The following FRMD6 variants were observed in gnomAD, a reference collection of about 807,000 sequenced individuals.
FRMD6 encodes the protein FERM domain-containing protein 6.
A neutral mutation model predicts 73.2 loss-of-function variants in FRMD6; 37 were observed. That is an observed-to-expected ratio of 0.51 (90% confidence interval 0.39 to 0.66). FRMD6 has a LOEUF of 0.66. FRMD6 is among the 30% of genes least tolerant of loss of function. The pLI is 0.00. For synonymous variants in FRMD6, 273 were observed against 282.2 expected (o/e 0.97, Z 0.33); for missense variants, 714 against 780.5 (o/e 0.91, Z 1.02).
At chr14:51,468,844 C>T in the FRMD6 span, among the ~76,000 whole-genome samples, 18 of 152,170 alleles carry the variant, frequency 1.2e-4, no homozygotes, top group African/African-American at 3.9e-4. Context: ...ATAAATTTTG[C>T]GAATGCTTTT....
chr14:51,452,170 G>C, the FRMD6 span, among the ~76,000 whole-genome samples: 2 of 152,110 alleles, frequency 1.3e-5, no homozygotes, highest in Non-Finnish European at 2.9e-5. Flanking sequence ...CATGAGCGAG[G>C]GTTGGAAAGA....
intron 2 of FRMD6, among the ~76,000 whole-genome samples, chr14:51,625,261 A>G (rs1414074414): frequency 6.6e-6 from 1 of 152,102 alleles, no homozygotes; most frequent in Non-Finnish European, 1.5e-5. Flanking sequence ...TGTGTGTTGG[A>G]GGTGGTAGTG....
At chr14:51,681,431 C>T (rs183697442) in intron 1 of FRMD6, among the ~76,000 whole-genome samples, 1 of 152,254 alleles carries the variant, frequency 6.6e-6, no homozygotes, top group Admixed American at 6.5e-5. Context: ...GTTCAAAGTG[C>T]TTCACATATG....
rs781001684 is a variant in FRMD6, at chr14:51,720,188, C to T, written c.1158C>T (p.Thr386=). 23 of 1,613,958 alleles carry T rather than the reference C, an allele frequency of 1.4e-5. No homozygotes were observed. Among genetic ancestry groups the T allele is most frequent in the Admixed American group, 1.2e-4 (7 of 60,008 alleles). The change falls in exon 11 of 14, where the codon ACC becomes ACT. Residue 386 remains threonine (T), a synonymous_variant. Coordinates refer to ENST00000344768, the MANE Select transcript of FRMD6 (RefSeq NM_001267046.2). ...ACAAGCGCCTGTCCCGTCATTCCAC[C>T]GCCAGCCACAGCAGTTCCCACACCT... The part of the protein sequence containing the change: ...MKHKRLSRHS[T]ASHSSSHTSG...
chr14:51,481,227 A>G, the FRMD6 span, among the ~76,000 whole-genome samples: 1 of 152,348 alleles, frequency 6.6e-6, no homozygotes, highest in South Asian at 2.1e-4. Flanking sequence ...TGATAAAGAT[A>G]TACCCGAGAC....
At chr14:51,697,013 A>G (rs187478529) in intron 2 of FRMD6, among the ~76,000 whole-genome samples, 2 of 152,284 alleles carry the variant, frequency 1.3e-5, no homozygotes, top group South Asian at 2.1e-4. Context: ...ACAAAAGATA[A>G]CAAGTGTTGA....
At position 51,592,572 on chromosome 14, in the gene FRMD6, T is replaced by C. The variant is rs1416555205; in HGVS notation, c.-147+22162T>C. 3.9e-5 allele frequency among the ~76,000 whole-genome samples: 6 copies of C among 152,352 alleles called. No individual in the cohort carries two copies. The East Asian group carries it at 9.6e-4, about 24-fold the overall frequency. On this transcript the variant is annotated intron_variant, in intron 2 of 14. Transcript: ENST00000356218. ...TAGATGACATTTGAACACGATGTAA[T>C]AAATTTCCTGTAAAATTACTTGTGT...
At chr14:51,409,186 T>A in the FRMD6 span, among the ~76,000 whole-genome samples, 1 of 152,124 alleles carries the variant, frequency 6.6e-6, no homozygotes, top group Non-Finnish European at 1.5e-5. Flanking sequence ...CTTCTGACCC[T>A]CTGTGTGCAG....
chr14:51,430,156 C>T, the FRMD6 span, among the ~76,000 whole-genome samples: 4 of 152,120 alleles, frequency 2.6e-5, no homozygotes, highest in African/African-American at 9.7e-5. Flanking sequence ...TGGGCTGTTC[C>T]GGGGAATGAG....
the FRMD6 span, among the ~76,000 whole-genome samples, chr14:51,417,855 T>C: frequency 3.3e-5 from 5 of 152,218 alleles, no homozygotes; most frequent in Admixed American, 1.3e-4. Context: ...CATTTTTTTT[T>C]ACTCTTTTTT....
chr14:51,713,083 T>C (rs11157841), intron 9 of FRMD6, among the ~76,000 whole-genome samples: 41,253 of 152,108 alleles, frequency 0.27, 6,218 homozygotes, highest in Non-Finnish European at 0.34. Flanking sequence ...TTCCCAAGTA[T>C]TTCTCTTTTG....
At chr14:51,595,027 G>A (rs112749064) in intron 2 of FRMD6, among the ~76,000 whole-genome samples, 3 of 152,314 alleles carry the variant, frequency 2.0e-5, no homozygotes, top group Non-Finnish European at 2.9e-5. Flanking sequence ...CAGCCTCAAC[G>A]GAAGGGGTAG....
At chr14:51,402,245 G>C in the FRMD6 span, among the ~76,000 whole-genome samples, 1 of 152,218 alleles carries the variant, frequency 6.6e-6, no homozygotes, top group Non-Finnish European at 1.5e-5. Context: ...GGTTTTAAAA[G>C]AGATGTGAGA....
At position 51,722,058 on chromosome 14, in the gene FRMD6, G is replaced by A. The variant is rs772963275; in HGVS notation, c.1470G>A (p.Ser490=). ...ACATCACAGAGGACATGCTCATGTC[G>A]CGGAAGCTGAATGGACACTCTGGTG... ...CIYITEDMLM[S]RKLNGHSGLI... The change falls in exon 12 of 14, where the codon TCG becomes TCA. Residue 490 remains serine, a synonymous_variant. Coordinates refer to ENST00000344768, the MANE Select transcript of FRMD6 (RefSeq NM_001267046.2). 25 of 1,613,924 alleles carry A rather than the reference G, an allele frequency of 1.5e-5. No individual in the cohort carries two copies. The highest frequency in any genetic ancestry group is 3.3e-5 in the South Asian group (3 of 91,080).
chr14:51,549,503 T>C (rs1310653851), intron 1 of FRMD6, among the ~76,000 whole-genome samples: 1 of 152,088 alleles, frequency 6.6e-6, no homozygotes, highest in African/African-American at 2.4e-5. Context: ...CCCGAACTCA[T>C]CTGCTGCTGC....
chr14:51,574,610 A>C (rs1888308662), intron 2 of FRMD6, among the ~76,000 whole-genome samples: 1 of 152,184 alleles, frequency 6.6e-6, no homozygotes. Context: ...ATGGGAGCTA[A>C]AAATTAAAAC....
the FRMD6 span, among the ~76,000 whole-genome samples, chr14:51,432,760 AG>A: frequency 3.9e-5 from 6 of 152,200 alleles, no homozygotes; most frequent in African/African-American, 1.4e-4. Context: ...TGGGAGGAAT[AG>A]AATTCTGTCT....
At position 51,728,963 on chromosome 14, in the gene FRMD6, T is replaced by C. The variant is rs1376402806; in HGVS notation, c.*934T>C. 6.6e-6 allele frequency: 1 copy of C among 152,214 alleles called. No individual in the cohort carries two copies. Among genetic ancestry groups the C allele is most frequent in the Non-Finnish European group, 1.5e-5 (1 of 68,038 alleles). 9.4% of individuals were successfully genotyped at this position (152,214 alleles called of 1,614,324 possible). On this transcript the variant is annotated 3_prime_UTR_variant, in exon 14 of 14. Coordinates refer to ENST00000344768, the MANE Select transcript of FRMD6 (RefSeq NM_001267046.2). ...ATGGGATTGTGTATGTCTATATGTG[T>C]TTAAAGCTTACTATGTCTTCATTTT...
At chr14:51,599,164 G>C (rs544625276) in intron 2 of FRMD6, among the ~76,000 whole-genome samples, 1 of 143,476 alleles carries the variant, frequency 7.0e-6, no homozygotes, top group Non-Finnish European at 1.5e-5. Context: ...TTATGATGTT[G>C]AGCATTTTTT....
Sources: allele counts gnomAD v4.1 joint callset (sites outside exome capture counted in the v4.1 genomes callset), GRCh38; gene constraint gnomAD v4.1.1; transcripts MANE v1.5; gene names NCBI Gene and HGNC (gene_info 2026-07-23, HGNC 2026-07-21).